The following LEPROTL1 variants were observed in gnomAD, a reference collection of about 807,000 sequenced individuals.
LEPROTL1 encodes leptin receptor overlapping transcript like 1, also known as leptin receptor overlapping transcript-like 1.
LEPROTL1 carries 6 observed loss-of-function variants against 15.4 expected under a neutral mutation model. That is an observed-to-expected ratio of 0.39 (90% CI 0.21 to 0.77). LEPROTL1 has a LOEUF of 0.77. Among genes scored for constraint, LEPROTL1 ranks in the 30% least tolerant of loss-of-function variants. LEPROTL1 has a pLI of 0.41. For missense variants in LEPROTL1, 128 were observed against 158.1 expected (o/e 0.81, Z 1.02); for synonymous variants, 56 against 52.6 (o/e 1.06, Z -0.28).
intron 3 of LEPROTL1, among the ~76,000 whole-genome samples, chr8:30,115,708 T>A (rs77138231): frequency 0.013 from 1,980 of 152,022 alleles, 44 homozygotes; most frequent in East Asian, 0.073. Context: ...AACCTGTAAG[T>A]GGCAAATAAA....
rs1802580769 is a variant in LEPROTL1, at chr8:30,107,098, A to G, written c.*1236A>G. On this transcript the variant is annotated 3_prime_UTR_variant, in exon 4 of 4. Coordinates refer to ENST00000321250, the MANE Select transcript of LEPROTL1 (RefSeq NM_015344.3). ...CATATGTAATTTAAAAGTATTTTTA[A>G]GACAAGTTTCCTGTATACCTCTGAA... 1.0e-6 allele frequency: 1 copy of G among 980,254 alleles called. No individual in the cohort carries two copies. The highest frequency in any genetic ancestry group is 1.8e-5 in the African/African-American group (1 of 57,128). The allele number at this position is 980,254 out of a possible 1,614,324, so 60.7% of individuals were successfully genotyped here. A position where few individuals can be genotyped will look rare whatever the true frequency, so the allele number is the denominator to read the frequency against.
intron 3 of LEPROTL1, among the ~76,000 whole-genome samples, chr8:30,129,206 C>CA (rs903326268): frequency 6.6e-6 from 1 of 152,124 alleles, no homozygotes; most frequent in African/African-American, 2.4e-5. Context: ...CCACCAAGGC[C>CA]ACTACAAATC....
chr8:30,096,413 A>G (rs1802368703), intron 1 of LEPROTL1: 2 of 984,850 alleles, frequency 2.0e-6, no homozygotes, highest in Non-Finnish European at 2.4e-6. Flanking sequence ...GCAGTCAGGC[A>G]GGAAGCAGGT....
At chr8:30,108,800 G>T (rs930880546), downstream of LEPROTL1, among the ~76,000 whole-genome samples, 1 of 152,060 alleles carries the variant, frequency 6.6e-6, no homozygotes, top group African/African-American at 2.4e-5. Context: ...GCTAATTTTT[G>T]TATTTCTTGT....
Position 30,101,970 on chromosome 8 carries a change from A to G in LEPROTL1, c.89A>G (p.Tyr30Cys). ...ATGCTTGGATGTGCCCTTCCAATAT[A>G]CAAGTATGTAAAATGTTTGTCTTTC... ...FLMLGCALPIYNKYWPLFVLF... is the reference protein window; with the variant it reads ...FLMLGCALPICNKYWPLFVLF... The change falls in exon 2 of 4, where the codon TAC becomes TGC. Residue 30 changes from tyrosine to cysteine, a missense_variant. By Grantham distance (194) the Tyr-to-Cys change is radical. Coordinates refer to ENST00000321250, the MANE Select transcript of LEPROTL1 (RefSeq NM_015344.3). The G allele has an allele frequency of 1.3e-6, 2 of 1,590,726 alleles. No homozygotes were observed. The highest frequency in any genetic ancestry group is 1.7e-6 in the Non-Finnish European group (2 of 1,162,762).
In LEPROTL1 at chr8:30,106,899, G is replaced by GA; in HGVS notation, c.*1039dup. 1.0e-6 allele frequency: 1 copy of GA among 977,606 alleles called. No homozygotes were observed. The highest frequency in any genetic ancestry group is 1.8e-5 in the African/African-American group (1 of 57,124). The allele number at this position is 977,606 out of a possible 1,614,324, so 60.6% of individuals were successfully genotyped here. The stretch of plus-strand genomic sequence containing the variant: ...TTCAAATATAGTTTAATAACACTTA[G>GA]AAGTGTTTACTTACCTGGAAAATAA... On this transcript the variant is annotated 3_prime_UTR_variant, in exon 4 of 4. Transcript: ENST00000321250.
chr8:30,097,894 G>GTT (rs755624149), intron 1 of LEPROTL1, among the ~76,000 whole-genome samples: 9 of 133,512 alleles, frequency 6.7e-5, no homozygotes, highest in South Asian at 2.4e-4. Context: ...TAGTCCCTTG[G>GTT]TTTTTTTTTT....
At chr8:30,101,237 A>G (rs931968922) in intron 1 of LEPROTL1, among the ~76,000 whole-genome samples, 4 of 152,186 alleles carry the variant, frequency 2.6e-5, no homozygotes, top group South Asian at 2.1e-4. Context: ...CTGCTTTTCA[A>G]AACTGTAGTG....
At chr8:30,117,994 A>T (rs923653571) in intron 3 of LEPROTL1, among the ~76,000 whole-genome samples, 1 of 150,548 alleles carries the variant, frequency 6.6e-6, no homozygotes, top group African/African-American at 2.4e-5. Flanking sequence ...TTGGGAAAAA[A>T]ATCTGTATAT....
intron 3 of LEPROTL1, among the ~76,000 whole-genome samples, chr8:30,122,368 AC>A (rs1024530045): frequency 2.0e-5 from 3 of 151,958 alleles, no homozygotes; most frequent in Admixed American, 2.0e-4. Flanking sequence ...CTAGTCTCAA[AC>A]TCCTGTCCTC....
Position 30,134,604 on chromosome 8 carries a change from C to T in LEPROTL1, c.394+2115C>T, listed in dbSNP as rs113659603. Among the ~76,000 whole-genome samples, 872 of 152,058 alleles carry T rather than the reference C, an allele frequency of 5.7e-3. 7 individuals are homozygous for T. Among genetic ancestry groups the T allele is most frequent in the African/African-American group, 0.02 (841 of 41,474 alleles). On this transcript the variant is annotated intron_variant, in intron 4 of 4. Coordinates refer to the LEPROTL1 transcript ENST00000442880. ...TGGCCCAGGCTGGAGTGCAGTGGCG[C>T]GATCTCAGCCGCCCACTGCAACCTC...
intron 1 of LEPROTL1, among the ~76,000 whole-genome samples, chr8:30,097,698 TACACAC>T (rs71204262): frequency 4.9e-4 from 53 of 108,772 alleles, no homozygotes; most frequent in South Asian, 2.6e-3. Context: ...TATATATATA[TACACAC>T]ACACACACAC....
chr8:30,130,233 A>G (rs1167252029), intron 3 of LEPROTL1, among the ~76,000 whole-genome samples: 1 of 152,248 alleles, frequency 6.6e-6, no homozygotes, highest in Non-Finnish European at 1.5e-5. Context: ...GGTTTTACAC[A>G]GAACACAAAT....
chr8:30,125,317 AAAAG>A (rs1273482633), intron 3 of LEPROTL1, among the ~76,000 whole-genome samples: 1 of 152,256 alleles, frequency 6.6e-6, no homozygotes, highest in Non-Finnish European at 1.5e-5. Flanking sequence ...TACGATTCAG[AAAAG>A]AAAGAGTCAG....
chr8:30,125,797 G>A (rs1458454236), intron 3 of LEPROTL1, among the ~76,000 whole-genome samples: 9 of 152,170 alleles, frequency 5.9e-5, no homozygotes, highest in Admixed American at 5.9e-4. Flanking sequence ...GCTTCCCCAT[G>A]AGATGGCTTT....
intron 1 of LEPROTL1, among the ~76,000 whole-genome samples, chr8:30,097,698 T>TATACAC (rs748266837): frequency 1.7e-4 from 18 of 108,772 alleles, no homozygotes; most frequent in South Asian, 3.3e-4. Context: ...TATATATATA[T>TATACAC]ACACACACAC....
downstream of LEPROTL1, chr8:30,137,894 C>A: frequency 4.0e-6 from 1 of 251,398 alleles, no homozygotes; most frequent in Non-Finnish European, 7.8e-6. Context: ...TCCAATTGCT[C>A]CTGGGGATAA....
rs1286426024 is a variant in LEPROTL1 at position 30,107,763 on chromosome 8, A to C, written c.*1901A>C. ...TGTGATCTACTGGACTTTTTTTTGC[A>C]GGAAGTGCATTCTCTGGTCCTTCCC... On this transcript the variant is annotated 3_prime_UTR_variant, in exon 4 of 4. Transcript: ENST00000321250. 1 of 959,696 alleles carries C rather than the reference A, an allele frequency of 1.0e-6. No individual in the cohort carries two copies. The highest frequency in any genetic ancestry group is 1.1e-4 in the East Asian group (1 of 8,714). The allele number at this position is 959,696 out of a possible 1,614,324, so 59.4% of individuals were successfully genotyped here.
At chr8:30,103,192 A>G in intron 2 of LEPROTL1, among the ~76,000 whole-genome samples, 1 of 152,214 alleles carries the variant, frequency 6.6e-6, no homozygotes, top group East Asian at 1.9e-4. Flanking sequence ...TGGAAATACT[A>G]GGCAGTCTTA....
Sources: gnomAD v4.1 joint callset for allele counts (sites outside exome capture counted in the v4.1 genomes callset) on GRCh38, gnomAD v4.1.1 for gene constraint, MANE v1.5 for transcripts, NCBI Gene and HGNC (gene_info 2026-07-23, HGNC 2026-07-21) for gene names.